Variants in RNF19A observed in about 807,000 individuals in gnomAD.
The protein encoded by RNF19A is E3 ubiquitin-protein ligase RNF19A.
RNF19A carries 32 observed loss-of-function variants against 75.7 expected under a neutral mutation model. The ratio of observed to expected loss-of-function variants is 0.42; its 90% CI spans 0.32 to 0.57. RNF19A has a LOEUF of 0.57. Ranked by LOEUF, RNF19A falls within the 20% of genes least tolerant of loss-of-function variation. The probability of loss-of-function intolerance (pLI) is 0.10; values close to 1 mark genes in which losing one functional copy is unlikely to be tolerated. For synonymous variants in RNF19A, 335 were observed against 345.2 expected (o/e 0.97, Z 0.33); for missense variants, 782 against 1,036.3 (o/e 0.75, Z 3.37).
At chr8:100,306,459 G>A (rs1272179052) in intron 1 of RNF19A, among the ~76,000 whole-genome samples, 1 of 151,932 alleles carries the variant, frequency 6.6e-6, no homozygotes, top group Non-Finnish European at 1.5e-5. Flanking sequence ...ACTACATAAT[G>A]GTTTTAAGGC....
rs1440790857 is a variant in RNF19A at position 100,317,124 on chromosome 8, A to G, written c.-242-3752T>C. Among the ~76,000 whole-genome samples the G allele has an allele frequency of 2.4e-5, 2 of 82,704 alleles. No homozygotes were observed. Among genetic ancestry groups the G allele is most frequent in the Non-Finnish European group, 6.5e-5 (2 of 30,760 alleles). The allele number at this position is 82,704 out of a possible 152,430, so 54.3% of individuals were successfully genotyped here. Reference sequence around the variant, plus strand: ...CACCCGGAACTCCAGCTGGCCCGCAAGCGCCGCACGCAGCCCAGCCCGGGT... The same window carrying G: ...CACCCGGAACTCCAGCTGGCCCGCAGGCGCCGCACGCAGCCCAGCCCGGGT... On this transcript the variant is annotated intron_variant, in intron 1 of 3. Transcript: ENST00000519527. This position sits in a 1 kb window ranked among gnomAD's most constrained non-coding sequence, Gnocchi z 4.3.
At chr8:100,328,225 G>C (rs950541456) in intron 1 of RNF19A, among the ~76,000 whole-genome samples, 1 of 152,080 alleles carries the variant, frequency 6.6e-6, no homozygotes, top group African/African-American at 2.4e-5. Context: ...CTTAATCATC[G>C]TAATTGGCAC....
rs555083283 is a variant in RNF19A at position 100,275,409 on chromosome 8, G to GTT, written c.675-250_675-249dup. On this transcript the variant is annotated intron_variant, in intron 2 of 9. Transcript: ENST00000341084. The surrounding 1 kb of genome is among the most constrained non-coding windows in gnomAD (Gnocchi z 4.3). ...TCAGGGTTTTTTTTTTAGGTTCAGG[G>GTT]TTTTTTTTTTAGATTCAGGGGGTAC... is the stretch of plus-strand genomic sequence containing the variant. Among the ~76,000 whole-genome samples the GTT allele has an allele frequency of 1.4e-5, 2 of 146,694 alleles. No homozygotes were observed. Among genetic ancestry groups the GTT allele is most frequent in the African/African-American group, 5.0e-5 (2 of 40,008 alleles).
intron 1 of RNF19A, among the ~76,000 whole-genome samples, chr8:100,326,320 C>A (rs1456916185): frequency 1.3e-5 from 2 of 152,134 alleles, no homozygotes; most frequent in Non-Finnish European, 2.9e-5. Context: ...CCTCATTATT[C>A]ATTTCTTGTT....
At chr8:100,270,605 AAG>A (rs999273896) in intron 3 of RNF19A, among the ~76,000 whole-genome samples, 3 of 152,140 alleles carry the variant, frequency 2.0e-5, no homozygotes, top group African/African-American at 7.2e-5. Flanking sequence ...CTTCACACAA[AAG>A]AGAGATGGAC....
At chr8:100,271,042 A>G (rs550371580) in intron 3 of RNF19A, among the ~76,000 whole-genome samples, 306 of 152,242 alleles carry the variant, frequency 2.0e-3, no homozygotes, top group African/African-American at 6.9e-3. Context: ...AATGTCTTAC[A>G]TTATAAGCAT....
intron 1 of RNF19A, among the ~76,000 whole-genome samples, chr8:100,318,628 C>G: frequency 6.6e-6 from 1 of 152,224 alleles, no homozygotes; most frequent in East Asian, 1.9e-4. Context: ...CATTCCTCAA[C>G]TACATTATTA....
chr8:100,321,956 T>G (rs1822471317), intron 1 of RNF19A, among the ~76,000 whole-genome samples: 1 of 152,072 alleles, frequency 6.6e-6, no homozygotes, highest in Non-Finnish European at 1.5e-5. Context: ...TTGTTCCGTT[T>G]CTAGAGCACG....
Position 100,322,684 on chromosome 8 carries a change from T to A in RNF19A, c.-242-9312A>T, listed in dbSNP as rs1822479373. ...TTAAGCTTAATCATTTCTTGTTTTTTGGTTTCAAGTGAGAGGCATGCAACT... is the reference window on the plus strand; with the variant it reads ...TTAAGCTTAATCATTTCTTGTTTTTAGGTTTCAAGTGAGAGGCATGCAACT... On this transcript the variant is annotated intron_variant, in intron 1 of 3. Transcript: ENST00000519527. The surrounding 1 kb of genome is among the most constrained non-coding windows in gnomAD (Gnocchi z 5.1). 6.6e-6 allele frequency among the ~76,000 whole-genome samples: 1 copy of A among 152,254 alleles called. No individual in the cohort carries two copies. The highest frequency in any genetic ancestry group is 2.4e-5 in the African/African-American group (1 of 41,466).
chr8:100,287,799 T>G lies in RNF19A; in HGVS notation c.376A>C (p.Ile126Leu). ...AAAGGGCACTCTATGAAGTCTCCAA[T>G]TTGTTTGCTGATGGAAGTTAATCCA... ...DNGLTSISKQ[I>L]GDFIECPLCL... The change falls in exon 2 of 10, where the codon ATT (isoleucine) becomes CTT (leucine). Residue 126 changes from isoleucine (I) to leucine (L), a missense_variant. Physicochemically the swap from Ile to Leu is conservative, Grantham distance 5. Coordinates refer to ENST00000341084, the MANE Select transcript of RNF19A (RefSeq NM_183419.4). The surrounding 1 kb of genome is among the most constrained non-coding windows in gnomAD (Gnocchi z 4.1). 6.2e-7 allele frequency: 1 copy of G among 1,614,186 alleles called. No homozygotes were observed. The highest frequency in any genetic ancestry group is 2.2e-5 in the East Asian group (1 of 44,882).
Position 100,261,978 on chromosome 8 carries a change from T to C in RNF19A, c.1469-223A>G, listed in dbSNP as rs1032241852. On this transcript the variant is annotated intron_variant, in intron 7 of 9. Coordinates refer to ENST00000341084, the MANE Select transcript of RNF19A (RefSeq NM_183419.4). The surrounding 1 kb of genome is among the most constrained non-coding windows in gnomAD (Gnocchi z 4.4). ...TTCAAAAACCCAGATTTAGGAATTC[T>C]ATAAAGAATATGATTGTTAAAAAAT... Among the ~76,000 whole-genome samples, 1 of 152,234 alleles carries C rather than the reference T, an allele frequency of 6.6e-6. No homozygotes were observed. The highest frequency in any genetic ancestry group is 2.1e-4 in the South Asian group (1 of 4,830).
chr8:100,278,014 A>G (rs1820606008), intron 2 of RNF19A, among the ~76,000 whole-genome samples: 1 of 152,262 alleles, frequency 6.6e-6, no homozygotes, highest in African/African-American at 2.4e-5. Flanking sequence ...TTACAAAGGC[A>G]GCAAAGAAGT....
intron 1 of RNF19A, among the ~76,000 whole-genome samples, chr8:100,319,480 T>C (rs1374063339): frequency 6.6e-6 from 1 of 152,082 alleles, no homozygotes; most frequent in Non-Finnish European, 1.5e-5. Context: ...CACCATTCCT[T>C]TCTTCCCTCA....
At chr8:100,299,971 T>A (rs1011776709) in intron 1 of RNF19A, among the ~76,000 whole-genome samples, 1 of 152,184 alleles carries the variant, frequency 6.6e-6, no homozygotes, top group Non-Finnish European at 1.5e-5. Context: ...TGTGTGTGCA[T>A]GTAATTGAAT....
upstream of RNF19A, among the ~76,000 whole-genome samples, chr8:100,311,174 A>G (rs1157460763): frequency 6.6e-6 from 1 of 152,220 alleles, no homozygotes; most frequent in Non-Finnish European, 1.5e-5. Context: ...ATCTTTGGTA[A>G]CCCAGTAAAT....
At chr8:100,295,110 AGAT>A (rs562996222) in intron 1 of RNF19A, among the ~76,000 whole-genome samples, 8 of 152,234 alleles carry the variant, frequency 5.3e-5, no homozygotes, top group Non-Finnish European at 8.8e-5. Flanking sequence ...CAGATACTTC[AGAT>A]GATATCTTCT....
At chr8:100,326,538 G>A (rs892300842) in intron 1 of RNF19A, among the ~76,000 whole-genome samples, 3 of 152,122 alleles carry the variant, frequency 2.0e-5, no homozygotes, top group African/African-American at 7.2e-5. Context: ...TCTAGTGAGG[G>A]AAACTGAGGT....
intron 1 of RNF19A, among the ~76,000 whole-genome samples, chr8:100,335,780 GCTTT>G: frequency 6.6e-6 from 1 of 152,244 alleles, no homozygotes; most frequent in Non-Finnish European, 1.5e-5. Flanking sequence ...GTCCCTAGGT[GCTTT>G]CTAAGGTAAC....
chr8:100,314,775 G>C (rs554228436), upstream of RNF19A, among the ~76,000 whole-genome samples: 1 of 152,190 alleles, frequency 6.6e-6, no homozygotes, highest in Non-Finnish European at 1.5e-5. The surrounding 1 kb of genome is among the most constrained non-coding windows in gnomAD (Gnocchi z 4.1). Flanking sequence ...CAACAACCAT[G>C]CTTACCTCTA....
Sources: gnomAD v4.1 joint callset for allele counts (sites outside exome capture counted in the v4.1 genomes callset) on GRCh38, gnomAD v4.1.1 for gene constraint, Gnocchi (gnomAD v3.1) non-coding constraint, MANE v1.5 for transcripts, NCBI Gene and HGNC (gene_info 2026-07-23, HGNC 2026-07-21) for gene names.